Variants in GTF3C2 observed in about 807,000 individuals in gnomAD.
The protein encoded by GTF3C2 is general transcription factor 3C polypeptide 2.
GTF3C2 carries 17 observed loss-of-function variants against 117.4 expected under a neutral mutation model. That is an observed-to-expected ratio of 0.14 (90% CI 0.10 to 0.22). The LOEUF is 0.22. Among genes scored for constraint, GTF3C2 ranks in the 10% least tolerant of loss-of-function variants. The probability of loss-of-function intolerance (pLI) is 1.00; values close to 1 mark genes in which losing one functional copy is unlikely to be tolerated. For synonymous variants in GTF3C2, 437 were observed against 427.0 expected, an observed-to-expected ratio of 1.02 and a Z score of -0.29; for missense variants, 888 against 1,143.6, an observed-to-expected ratio of 0.78 and a Z score of 3.22.
In GTF3C2 at chr2:27,336,485, A is replaced by G; in HGVS notation, c.1128-60T>C. ...ATTAATGAAAGGTAATGAGGACTGA[A>G]TGGGCGCTCCACCCAGAGCCAGTAT... On this transcript the variant is annotated intron_variant, in intron 7 of 18. Coordinates refer to ENST00000264720, the Ensembl canonical transcript of GTF3C2. 4 of 1,002,692 alleles carry G rather than the reference A, an allele frequency of 4.0e-6. No individual in the cohort carries two copies. In the South Asian group the frequency reaches 5.3e-5, roughly 13 times the overall value. The allele number at this position is 1,002,692 out of a possible 1,614,324, so 62.1% of individuals were successfully genotyped here.
At chr2:27,335,257 G>A in intron 10 of GTF3C2, 1 of 499,862 alleles carries the variant, frequency 2.0e-6, no homozygotes, top group Non-Finnish European at 4.0e-6. Flanking sequence ...GGGGGAACAA[G>A]AGTATAGCAG....
intron 1 of GTF3C2, among the ~76,000 whole-genome samples, chr2:27,355,624 A>T (rs902279019): frequency 6.6e-6 from 1 of 152,086 alleles, no homozygotes; most frequent in African/African-American, 2.4e-5. Flanking sequence ...ATTCGTACTG[A>T]GTTTCTAAAA....
intron 1 of GTF3C2, among the ~76,000 whole-genome samples, chr2:27,348,877 C>T (rs1444047548): frequency 1.3e-5 from 2 of 152,166 alleles, no homozygotes; most frequent in African/African-American, 4.8e-5. Context: ...GCTCTTGTCA[C>T]CCAGGCTGGA....
chr2:27,342,728 TTACCTAA>T, intron 3 of GTF3C2, 91 bp downstream of exon 3: 1 of 882,704 alleles, frequency 1.1e-6, no homozygotes, highest in East Asian at 2.4e-5. Flanking sequence ...CCACCCCTGC[TTACCTAA>T]TACCTCATCA....
rs369412955 is a variant in GTF3C2 at position 27,326,704 on chromosome 2, T to C, written c.2707A>G (p.Thr903Ala). ...GGAGTGGGCAGAAGGCGATGGCTGG[T>C]TGGAGAGAAGCCAGGCCGTCTAGTG... The change falls in exon 19 of 19, where the codon ACC becomes GCC. Residue 903 changes from threonine (T) to alanine (A), a missense_variant. Around this residue, in one of 7 missense-constraint regions of GTF3C2, gnomAD observed 53 missense variants for 43.6 expected, o/e 1.22. Transcript: ENST00000264720. 36 of 1,613,900 alleles carry C rather than the reference T, an allele frequency of 2.2e-5. No individual in the cohort carries two copies. The highest frequency in any genetic ancestry group is 4.5e-5 in the East Asian group (2 of 44,876).
At chr2:27,342,569 C>T (rs1680772948) in intron 3 of GTF3C2, 1 of 554,404 alleles carries the variant, frequency 1.8e-6, no homozygotes, top group Non-Finnish European at 3.2e-6. Flanking sequence ...GACAGTAAAA[C>T]AATAAAGAGC....
chr2:27,340,721 A>G (rs1268110511), intron 4 of GTF3C2: 1 of 151,814 alleles, frequency 6.6e-6, no homozygotes, highest in Non-Finnish European at 1.5e-5. Context: ...ACTGGGTTCA[A>G]GCGAGTCTCC....
In GTF3C2 at chr2:27,329,336, C is replaced by G; in HGVS notation, c.1877+43G>C. On this transcript the variant is annotated intron_variant, in intron 13 of 18. Transcript: ENST00000264720. The surrounding 1 kb of genome is among the most constrained non-coding windows in gnomAD (Gnocchi z 4.5). ...CAAACAAATCCGGAAGTCAGCCTGTCCCAGTCTTCACCTTCCCCCTCCACA... is the reference window on the plus strand; with the variant it reads ...CAAACAAATCCGGAAGTCAGCCTGTGCCAGTCTTCACCTTCCCCCTCCACA... The G allele has an allele frequency of 1.9e-6, 3 of 1,613,860 alleles. No homozygotes were observed. Among genetic ancestry groups the G allele is most frequent in the Non-Finnish European group, 2.5e-6 (3 of 1,179,734 alleles).
At chr2:27,337,374 T>C in intron 6 of GTF3C2, 32 bp from the exon 7 acceptor site, 1 of 1,534,580 alleles carries the variant, frequency 6.5e-7, no homozygotes, top group Non-Finnish European at 9.0e-7. Context: ...AGTCTAAATT[T>C]GGAAGTGTTT....
exon 7 of GTF3C2, chr2:27,337,260 G>T (rs377289781): frequency 8.1e-6 from 13 of 1,603,784 alleles, no homozygotes. Context: ...ATTCGGTAGA[G>T]GGTGCCATCT....
intron 1 of GTF3C2, among the ~76,000 whole-genome samples, chr2:27,346,869 A>G (rs1248445510): frequency 1.3e-5 from 2 of 151,514 alleles, no homozygotes; most frequent in Non-Finnish European, 1.5e-5. Flanking sequence ...TACGTTTTTA[A>G]TTTTTTTGTG....
chr2:27,335,848 A>G (rs1680448835), intron 9 of GTF3C2, 69 bp downstream of exon 9: 1 of 1,180,152 alleles, frequency 8.5e-7, no homozygotes, highest in Non-Finnish European at 1.3e-6. Flanking sequence ...CTTCAACTCT[A>G]AGAATTCCCA....
At chr2:27,347,689 GA>G (rs1479204652) in intron 1 of GTF3C2, among the ~76,000 whole-genome samples, 1 of 152,204 alleles carries the variant, frequency 6.6e-6, no homozygotes, top group Non-Finnish European at 1.5e-5. Context: ...AATGGATTGT[GA>G]AATCCAAGAG....
intron 12 of GTF3C2, among the ~76,000 whole-genome samples, chr2:27,331,840 G>A (rs890678798): frequency 6.6e-6 from 1 of 152,130 alleles, no homozygotes; most frequent in Non-Finnish European, 1.5e-5. Context: ...TCCAGAGGCT[G>A]AGGCTGGGGC....
intron 12 of GTF3C2, among the ~76,000 whole-genome samples, chr2:27,331,818 A>G (rs962881754): frequency 6.6e-6 from 1 of 152,046 alleles, no homozygotes; most frequent in Non-Finnish European, 1.5e-5. Context: ...TCGTTCCTGT[A>G]GTCCCAACTA....
In GTF3C2 at chr2:27,329,120, C is replaced by T. The variant is rs1298987619; in HGVS notation, c.2039+1G>A. ...GAGGTCCTATCTCCATCTTGCCGTA[C>T]GAGGCATAGCAGTTGTCCTGAGCCA... On this transcript the variant is annotated splice_donor_variant, in intron 14 of 18. Transcript: ENST00000264720. LOFTEE classifies it high-confidence loss of function. The surrounding 1 kb of genome is among the most constrained non-coding windows in gnomAD (Gnocchi z 4.5). 6.2e-7 allele frequency: 1 copy of T among 1,613,968 alleles called. No individual in the cohort carries two copies. The highest frequency in any genetic ancestry group is 1.1e-5 in the South Asian group (1 of 91,074).
rs758736724 is a variant in GTF3C2 at position 27,328,198 on chromosome 2, G to A, written c.2257-9C>T. Reference sequence around the variant, plus strand: ...TCTGCTTTATATATAGGCTGGAAAGGAGACCATGAAATTAGGTTCTATAAT... The same window carrying A: ...TCTGCTTTATATATAGGCTGGAAAGAAGACCATGAAATTAGGTTCTATAAT... On this transcript the variant is annotated splice_polypyrimidine_tract_variant and intron_variant, in intron 16 of 18. Transcript: ENST00000264720. 5 of 1,563,204 alleles carry A rather than the reference G, an allele frequency of 3.2e-6. No homozygotes were observed. Among genetic ancestry groups the A allele is most frequent in the South Asian group, 2.4e-5 (2 of 84,362 alleles).
At chr2:27,344,584 C>T (rs1245404443) in intron 1 of GTF3C2, among the ~76,000 whole-genome samples, 1 of 152,024 alleles carries the variant, frequency 6.6e-6, no homozygotes, top group East Asian at 1.9e-4. Context: ...AAATATACTA[C>T]AAAAAAGAGC....
chr2:27,332,054 G>T (rs531918845), intron 12 of GTF3C2, among the ~76,000 whole-genome samples: 3 of 152,220 alleles, frequency 2.0e-5, no homozygotes, highest in African/African-American at 7.2e-5. Context: ...TTATAGTGAA[G>T]GAACATTCAT....
Sources: allele counts gnomAD v4.1 joint callset (sites outside exome capture counted in the v4.1 genomes callset), GRCh38; gene constraint gnomAD v4.1.1; regional missense constraint gnomAD v4.1.1; non-coding constraint Gnocchi (gnomAD v3.1); transcripts MANE v1.5; gene names NCBI Gene and HGNC (gene_info 2026-07-23, HGNC 2026-07-21).